KHDRBS2: variants seen among roughly 807,000 people sequenced by gnomAD.
KHDRBS2 encodes the protein KH domain-containing, RNA-binding, signal transduction-associated protein 2.
KHDRBS2 carries 26 observed loss-of-function variants against 44.3 expected under a neutral mutation model. That is an observed-to-expected ratio of 0.59 (90% CI 0.43 to 0.81). The LOEUF (loss-of-function observed/expected upper bound fraction) is 0.81, where lower values mean the gene tolerates loss of function less well. Among genes scored for constraint, KHDRBS2 ranks in the 40% least tolerant of loss-of-function variants. The pLI, the probability that KHDRBS2 is intolerant of heterozygous loss-of-function variation, is 0.00. For synonymous variants in KHDRBS2, 194 were observed against 151.1 expected (o/e 1.28, Z -2.08); for missense variants, 476 against 433.1 (o/e 1.10, Z -0.88).
chr6:62,101,901 T>A lies in KHDRBS2; in HGVS notation c.220-53907A>T, dbSNP rs1801985891. Among the ~76,000 whole-genome samples, 3 of 152,326 alleles carry A rather than the reference T, an allele frequency of 2.0e-5. No homozygotes were observed. The South Asian group carries it at 6.2e-4, about 32-fold the overall frequency. Reference sequence around the variant, plus strand: ...ATTCAAAGAAACAATTATATTAACATAACATGGTCTTCTCACAGTCTTTAA... The same window carrying A: ...ATTCAAAGAAACAATTATATTAACAAAACATGGTCTTCTCACAGTCTTTAA... On this transcript the variant is annotated intron_variant, in intron 2 of 8. Coordinates refer to ENST00000281156, the MANE Select transcript of KHDRBS2 (RefSeq NM_152688.4).
intron 3 of KHDRBS2, among the ~76,000 whole-genome samples, chr6:61,980,208 T>G (rs545104558): frequency 6.6e-6 from 1 of 152,140 alleles, no homozygotes; most frequent in Non-Finnish European, 1.5e-5. Flanking sequence ...GTAGGAAGAT[T>G]ATTGTGCAGG....
At chr6:61,858,342 T>C (rs1220971785) in intron 6 of KHDRBS2, among the ~76,000 whole-genome samples, 1 of 151,944 alleles carries the variant, frequency 6.6e-6, no homozygotes, top group Non-Finnish European at 1.5e-5. Context: ...ACTAGATATG[T>C]AACCTTATTA....
At chr6:61,849,633 T>G (rs1324729599) in intron 6 of KHDRBS2, among the ~76,000 whole-genome samples, 1 of 100,772 alleles carries the variant, frequency 9.9e-6, no homozygotes, top group African/African-American at 2.9e-5. Context: ...AGAAACAAAG[T>G]TTTTTTTTTT....
At chr6:62,265,746 C>A (rs1839101645) in intron 1 of KHDRBS2, among the ~76,000 whole-genome samples, 1 of 151,890 alleles carries the variant, frequency 6.6e-6, no homozygotes, top group South Asian at 2.1e-4. Context: ...CTTTTAGCTC[C>A]CAGCAGCAAA....
intron 6 of KHDRBS2, among the ~76,000 whole-genome samples, chr6:61,867,943 C>G (rs1394950362): frequency 6.6e-6 from 1 of 152,070 alleles, no homozygotes; most frequent in Non-Finnish European, 1.5e-5. Context: ...GATCAGGGAC[C>G]AGCTTAAAGA....
intron 2 of KHDRBS2, among the ~76,000 whole-genome samples, chr6:62,049,698 A>T (rs980377182): frequency 1.3e-5 from 2 of 152,080 alleles, no homozygotes; most frequent in African/African-American, 4.8e-5. Context: ...GATTGCAAAA[A>T]TATTCTCCTG....
intron 6 of KHDRBS2, among the ~76,000 whole-genome samples, chr6:61,779,669 C>CAT (rs1782631826): frequency 2.4e-5 from 2 of 82,050 alleles, no homozygotes; most frequent in Non-Finnish European, 4.7e-5. Context: ...GCAGAAATGA[C>CAT]GTGTTATAAT....
rs185134586 is a variant in KHDRBS2 at position 61,986,066 on chromosome 6, A to C, written c.337-7854T>G. Reference sequence around the variant, plus strand: ...GTCAGATAAATCTAGATTTGAATTAATAGCTCTGATATTTATTATCTGTGA... The same window carrying C: ...GTCAGATAAATCTAGATTTGAATTACTAGCTCTGATATTTATTATCTGTGA... On this transcript the variant is annotated intron_variant, in intron 3 of 8. Coordinates refer to ENST00000281156, the MANE Select transcript of KHDRBS2 (RefSeq NM_152688.4). Among the ~76,000 whole-genome samples the C allele has an allele frequency of 2.0e-5, 3 of 152,322 alleles. No homozygotes were observed. The East Asian group carries it at 5.8e-4, about 29-fold the overall frequency.
At chr6:61,702,324 C>T (rs1335565772) in intron 7 of KHDRBS2, among the ~76,000 whole-genome samples, 1 of 151,892 alleles carries the variant, frequency 6.6e-6, no homozygotes, top group South Asian at 2.1e-4. Flanking sequence ...TAACTTTGGA[C>T]TCATGTTAAT....
chr6:61,901,121 T>C, intron 5 of KHDRBS2, 123 bp downstream of exon 5: 1 of 873,886 alleles, frequency 1.1e-6, no homozygotes, highest in Non-Finnish European at 1.7e-6. Flanking sequence ...GTTATTGTTT[T>C]TGCTGTGGTG....
chr6:61,597,290 G>A, the KHDRBS2 span, among the ~76,000 whole-genome samples: 28,463 of 151,904 alleles, frequency 0.19, 3,040 homozygotes, highest in East Asian at 0.29. Flanking sequence ...TGTACTTTGG[G>A]GACCAATTTA....
chr6:62,245,182 A>G (rs977554405), intron 1 of KHDRBS2, among the ~76,000 whole-genome samples: 1 of 152,114 alleles, frequency 6.6e-6, no homozygotes, highest in African/African-American at 2.4e-5. Flanking sequence ...TGCTTCCTAG[A>G]AGATTTGCTG....
intron 6 of KHDRBS2, among the ~76,000 whole-genome samples, chr6:61,744,028 G>T (rs547592628): frequency 9.2e-5 from 14 of 152,012 alleles, no homozygotes; most frequent in Admixed American, 6.6e-4. Context: ...CCAGTCTATT[G>T]TTGTTGGACA....
At chr6:62,114,610 T>C (rs1382676182) in intron 2 of KHDRBS2, among the ~76,000 whole-genome samples, 1 of 152,170 alleles carries the variant, frequency 6.6e-6, no homozygotes, top group East Asian at 1.9e-4. Context: ...AATCTTGGTA[T>C]TATAAACAAT....
At chr6:62,123,734 G>C (rs1167158197) in intron 2 of KHDRBS2, among the ~76,000 whole-genome samples, 1 of 152,124 alleles carries the variant, frequency 6.6e-6, no homozygotes, top group African/African-American at 2.4e-5. Context: ...AATGCCACTC[G>C]ATGAGATGCA....
chr6:61,976,054 G>T (rs1431283895), intron 4 of KHDRBS2, among the ~76,000 whole-genome samples: 1 of 152,162 alleles, frequency 6.6e-6, no homozygotes, highest in Non-Finnish European at 1.5e-5. Context: ...AATCATAGAG[G>T]TAGGCATGGC....
At chr6:61,563,653 C>G in the KHDRBS2 span, among the ~76,000 whole-genome samples, 2 of 152,182 alleles carry the variant, frequency 1.3e-5, no homozygotes, top group South Asian at 4.1e-4. Context: ...ATTTTAGTCA[C>G]AGCCCTTTTT....
intron 8 of KHDRBS2, among the ~76,000 whole-genome samples, chr6:61,684,016 C>G (rs1020438206): frequency 6.6e-6 from 1 of 151,918 alleles, no homozygotes; most frequent in African/African-American, 2.4e-5. Context: ...TTCTTGGTAA[C>G]AATAGCAAAG....
chr6:61,725,345 A>G (rs1773381655), intron 7 of KHDRBS2, among the ~76,000 whole-genome samples: 1 of 152,180 alleles, frequency 6.6e-6, no homozygotes, highest in East Asian at 1.9e-4. Context: ...TAAAAGCTAG[A>G]AATATCTCAA....
Sources: gnomAD v4.1 joint callset for allele counts (sites outside exome capture counted in the v4.1 genomes callset) on GRCh38, gnomAD v4.1.1 for gene constraint, MANE v1.5 for transcripts, NCBI Gene and HGNC (gene_info 2026-07-23, HGNC 2026-07-21) for gene names.